PARD3B: variants seen among roughly 807,000 people sequenced by gnomAD.
PARD3B encodes the protein partitioning defective 3 homolog B.
A neutral mutation model predicts 130.2 loss-of-function variants in PARD3B; 103 were observed. The ratio of observed to expected loss-of-function variants is 0.79; its 90% CI spans 0.67 to 0.93. The LOEUF (loss-of-function observed/expected upper bound fraction) is 0.93. Ranked by LOEUF, PARD3B falls within the 40% of genes least tolerant of loss-of-function variation. PARD3B has a pLI of 0.00. For missense variants in PARD3B, 1,609 were observed against 1,499.2 expected (o/e 1.07, Z -1.21); for synonymous variants, 583 against 553.2 (o/e 1.05, Z -0.76).
chr2:204,905,002 G>A (rs895397508), intron 2 of PARD3B, among the ~76,000 whole-genome samples: 5 of 152,190 alleles, frequency 3.3e-5, no homozygotes, highest in African/African-American at 1.2e-4. Context: ...AGGAAGCATA[G>A]AGGATCAAGA....
At chr2:204,733,124 G>A (rs1262621543) in intron 2 of PARD3B, among the ~76,000 whole-genome samples, 1 of 151,984 alleles carries the variant, frequency 6.6e-6, no homozygotes, top group Non-Finnish European at 1.5e-5. Flanking sequence ...CGACTGGATG[G>A]CACTTGCACT....
At chr2:205,038,489 A>T (rs986644683) in intron 3 of PARD3B, among the ~76,000 whole-genome samples, 10 of 152,304 alleles carry the variant, frequency 6.6e-5, no homozygotes, top group South Asian at 2.1e-4. Flanking sequence ...TAGCTTAAAA[A>T]TTTTGAAAAA....
At chr2:205,344,901 G>A (rs546439702) in intron 18 of PARD3B, among the ~76,000 whole-genome samples, 1 of 152,272 alleles carries the variant, frequency 6.6e-6, no homozygotes. Context: ...GTTGGGTAAC[G>A]AGGAATTTTA....
intron 1 of PARD3B, among the ~76,000 whole-genome samples, chr2:204,558,691 A>G (rs1413861126): frequency 1.3e-5 from 2 of 152,216 alleles, no homozygotes; most frequent in Non-Finnish European, 2.9e-5. Context: ...GGAAAAAACT[A>G]CTTTAAAGTT....
At chr2:204,914,733 A>G (rs1308192113) in intron 2 of PARD3B, among the ~76,000 whole-genome samples, 1 of 152,188 alleles carries the variant, frequency 6.6e-6, no homozygotes, top group Non-Finnish European at 1.5e-5. Flanking sequence ...AGAGAGGGAA[A>G]GAAAAGAAAT....
intron 3 of PARD3B, among the ~76,000 whole-genome samples, chr2:205,030,977 T>C (rs865904659): frequency 5.9e-5 from 9 of 152,292 alleles, no homozygotes; most frequent in African/African-American, 2.2e-4. Flanking sequence ...AAATTGTTGA[T>C]TTTTCTCTTT....
intron 3 of PARD3B, among the ~76,000 whole-genome samples, chr2:205,042,197 A>G (rs1322475517): frequency 6.6e-6 from 1 of 152,176 alleles, no homozygotes; most frequent in African/African-American, 2.4e-5. Context: ...TAAAGGGGAC[A>G]TGGATCAGTA....
chr2:204,738,821 C>T (rs2039871225), intron 2 of PARD3B, among the ~76,000 whole-genome samples: 2 of 152,172 alleles, frequency 1.3e-5, no homozygotes, highest in African/African-American at 4.8e-5. Flanking sequence ...CCTAACTTCC[C>T]CTTCTGCTAA....
chr2:205,487,964 CTT>C (rs2049510483), intron 20 of PARD3B, among the ~76,000 whole-genome samples: 1 of 152,148 alleles, frequency 6.6e-6, no homozygotes, highest in African/African-American at 2.4e-5. Flanking sequence ...CTTAAACTGT[CTT>C]TTGTTCAGTT....
At chr2:205,095,248 A>G (rs1165053115) in intron 4 of PARD3B, among the ~76,000 whole-genome samples, 2 of 152,188 alleles carry the variant, frequency 1.3e-5, no homozygotes, top group Non-Finnish European at 1.5e-5. Context: ...AAAATTAGCT[A>G]TAACTGAATG....
chr2:204,715,997 T>C (rs972071804), intron 2 of PARD3B, among the ~76,000 whole-genome samples: 1 of 152,180 alleles, frequency 6.6e-6, no homozygotes, highest in Non-Finnish European at 1.5e-5. Flanking sequence ...GGGTTTACAT[T>C]ATTGACAAAT....
In PARD3B at chr2:205,183,333, C is replaced by T. The variant is rs375176432; in HGVS notation, c.1925-2431C>T. Among the ~76,000 whole-genome samples the T allele has an allele frequency of 2.2e-4, 34 of 152,162 alleles. 1 individual carries two copies. The highest frequency in any genetic ancestry group is 5.8e-4 in the African/African-American group (24 of 41,444). ...GCAACAAGTTACATGATCACAAATA[C>T]GTTCACCATCACTGTGGAAGATGGA... On this transcript the variant is annotated intron_variant, in intron 13 of 22. Coordinates refer to ENST00000406610, the MANE Select transcript of PARD3B (RefSeq NM_001302769.2). This position sits in a 1 kb window ranked among gnomAD's most constrained non-coding sequence, Gnocchi z 5.2.
At chr2:204,818,523 A>G (rs2043221746) in intron 2 of PARD3B, among the ~76,000 whole-genome samples, 1 of 152,188 alleles carries the variant, frequency 6.6e-6, no homozygotes, top group Non-Finnish European at 1.5e-5. Flanking sequence ...TGGGATCGTC[A>G]TACAGTAATT....
At chr2:204,798,455 T>C (rs1020218310) in intron 2 of PARD3B, among the ~76,000 whole-genome samples, 2 of 152,110 alleles carry the variant, frequency 1.3e-5, no homozygotes, top group Non-Finnish European at 2.9e-5. Context: ...TGAAAGGCAG[T>C]CTAGGCCACA....
chr2:205,168,382 G>A (rs2125738156), intron 11 of PARD3B, among the ~76,000 whole-genome samples: 2 of 149,770 alleles, frequency 1.3e-5, no homozygotes, highest in Admixed American at 1.3e-4. Flanking sequence ...GAATTACCAA[G>A]CAACATCCTT....
rs1188004335 is a variant in PARD3B, at chr2:205,230,481, C to A, written c.2141-15297C>A. On this transcript the variant is annotated intron_variant, in intron 15 of 22. Coordinates refer to ENST00000406610, the MANE Select transcript of PARD3B (RefSeq NM_001302769.2). The surrounding 1 kb of genome is among the most constrained non-coding windows in gnomAD (Gnocchi z 4.1). ...CCAGGACTCTGCCCAGTGCCCCCTA[C>A]TGTGGTAGAGCTAGGATTCAAGTTG... Among the ~76,000 whole-genome samples the A allele has an allele frequency of 6.6e-6, 1 of 152,276 alleles. No individual in the cohort carries two copies. Among genetic ancestry groups the A allele is most frequent in the African/African-American group, 2.4e-5 (1 of 41,564 alleles).
chr2:205,023,791 T>A (rs991783376), intron 3 of PARD3B, among the ~76,000 whole-genome samples: 1 of 152,136 alleles, frequency 6.6e-6, no homozygotes, highest in African/African-American at 2.4e-5. Flanking sequence ...ATTCAGGTGC[T>A]GAGTTAAGAC....
intron 21 of PARD3B, among the ~76,000 whole-genome samples, chr2:205,522,478 A>ATATATGGTAACTATTGTCGT: frequency 6.6e-6 from 1 of 152,098 alleles, no homozygotes; most frequent in African/African-American, 2.4e-5. Flanking sequence ...AGTTGGCATA[A>ATATATGGTAACTATTGTCGT]TATATGGTAA....
At chr2:205,307,121 A>G (rs549631493) in intron 18 of PARD3B, among the ~76,000 whole-genome samples, 1 of 152,298 alleles carries the variant, frequency 6.6e-6, no homozygotes, top group African/African-American at 2.4e-5. Context: ...CATCATGAAA[A>G]TGTGAATGCC....
Sources: gnomAD v4.1 joint callset for allele counts (sites outside exome capture counted in the v4.1 genomes callset) on GRCh38, gnomAD v4.1.1 for gene constraint, Gnocchi (gnomAD v3.1) non-coding constraint, MANE v1.5 for transcripts, NCBI Gene and HGNC (gene_info 2026-07-23, HGNC 2026-07-21) for gene names.